The following CCDC7 variants were observed in gnomAD, a reference collection of about 807,000 sequenced individuals.
The protein encoded by CCDC7 is coiled-coil domain-containing protein 7.
A neutral mutation model predicts 196.9 loss-of-function variants in CCDC7; 183 were observed. The observed-to-expected ratio is 0.93, with a 90% CI of 0.82 to 1.05. The LOEUF (loss-of-function observed/expected upper bound fraction) is 1.05. Ranked by LOEUF, CCDC7 falls within the 50% of genes least tolerant of loss-of-function variation. The pLI is 0.00. For missense variants in CCDC7, 1,540 were observed against 1,482.2 expected, an observed-to-expected ratio of 1.04 and a Z score of -0.64; for synonymous variants, 525 against 484.6, an observed-to-expected ratio of 1.08 and a Z score of -1.10.
chr10:32,846,039 G>C, intron 36 of CCDC7, 80 bp downstream of exon 37: 1 of 1,000,908 alleles, frequency 1.0e-6, no homozygotes, highest in Non-Finnish European at 1.6e-6. Flanking sequence ...GACCTTTAAT[G>C]ACAACAGTAC....
chr10:32,492,434 C>T (rs2042294635), intron 9 of CCDC7, among the ~76,000 whole-genome samples: 1 of 152,048 alleles, frequency 6.6e-6, no homozygotes. Flanking sequence ...AAGATGGAAG[C>T]AACCCACATG....
At chr10:32,484,848 C>A (rs1311489046) in intron 8 of CCDC7, among the ~76,000 whole-genome samples, 1 of 152,038 alleles carries the variant, frequency 6.6e-6, no homozygotes, top group Non-Finnish European at 1.5e-5. Context: ...GGGATGAAGC[C>A]CACTTGATCG....
At position 32,825,660 on chromosome 10, in the gene CCDC7, G is replaced by T. The variant is rs2091006962; in HGVS notation, c.3268+1056G>T. Among the ~76,000 whole-genome samples, 3 of 152,066 alleles carry T rather than the reference G, an allele frequency of 2.0e-5. No individual in the cohort carries two copies. In the South Asian group the frequency reaches 6.2e-4, roughly 32 times the overall value. On this transcript the variant is annotated intron_variant, in intron 32 of 41. Coordinates refer to ENST00000639629, the Ensembl canonical transcript of CCDC7. ...AGGATGGAGTTCTTTTGTTGGTTTT[G>T]GGGTTTCTGGAGTTGGCTGCTTAAT...
intron 25 of CCDC7, among the ~76,000 whole-genome samples, chr10:32,716,638 G>C (rs1443968245): frequency 6.6e-6 from 1 of 152,204 alleles, no homozygotes; most frequent in Admixed American, 6.5e-5. Flanking sequence ...TTGGTGTGCT[G>C]TATTCAGGAG....
exon 2 of CCDC7, chr10:32,453,401 T>C: frequency 6.4e-7 from 1 of 1,554,672 alleles, no homozygotes; most frequent in Non-Finnish European, 8.7e-7. Context: ...AGAAGAACCA[T>C]TTGTAAAGCA....
intron 30 of CCDC7, among the ~76,000 whole-genome samples, chr10:32,809,209 A>G (rs949867631): frequency 6.6e-6 from 1 of 152,212 alleles, no homozygotes; most frequent in Non-Finnish European, 1.5e-5. Flanking sequence ...GAACACAATA[A>G]TTCTTCAGCA....
At chr10:32,635,070 C>T in exon 20 of CCDC7, 2 of 398,684 alleles carry the variant, frequency 5.0e-6, no homozygotes, top group Non-Finnish European at 8.9e-6. Context: ...CTCTTACAAC[C>T]CCACAATTGC....
chr10:32,868,823 G>A (rs2094312887), intron 41 of CCDC7, among the ~76,000 whole-genome samples: 1 of 150,080 alleles, frequency 6.7e-6, no homozygotes, highest in African/African-American at 2.5e-5. Context: ...GTGGTGTTTG[G>A]TTTTTTGTCC....
At chr10:32,769,771 G>C (rs1322325433) in intron 28 of CCDC7, among the ~76,000 whole-genome samples, 1 of 152,012 alleles carries the variant, frequency 6.6e-6, no homozygotes, top group Non-Finnish European at 1.5e-5. Context: ...TGAGAATGGT[G>C]GTTTCCAGCT....
chr10:32,642,122 G>C (rs1035670743), intron 20 of CCDC7, among the ~76,000 whole-genome samples: 4 of 152,216 alleles, frequency 2.6e-5, no homozygotes, highest in Non-Finnish European at 5.9e-5. Flanking sequence ...GAGGCAGTCT[G>C]TCCGTTCTCA....
At chr10:32,576,472 G>A (rs1179490453) in intron 16 of CCDC7, among the ~76,000 whole-genome samples, 1 of 151,618 alleles carries the variant, frequency 6.6e-6, no homozygotes, top group African/African-American at 2.4e-5. Flanking sequence ...GACAAGCCTT[G>A]TGGAGGTTGT....
At chr10:32,626,478 A>G (rs2064060259) in intron 18 of CCDC7, among the ~76,000 whole-genome samples, 1 of 151,910 alleles carries the variant, frequency 6.6e-6, no homozygotes, top group South Asian at 2.1e-4. Context: ...TGATGAATGT[A>G]TGGCTTGTAC....
chr10:32,622,440 G>A (rs960776539), intron 18 of CCDC7, among the ~76,000 whole-genome samples: 2 of 151,870 alleles, frequency 1.3e-5, no homozygotes, highest in African/African-American at 4.8e-5. Context: ...TTAGATAATA[G>A]ACTGAAGGGG....
chr10:32,700,682 C>A (rs1008477005), intron 24 of CCDC7, among the ~76,000 whole-genome samples: 1 of 152,168 alleles, frequency 6.6e-6, no homozygotes, highest in Non-Finnish European at 1.5e-5. Context: ...TCTTCCTATC[C>A]ATGAGCATGG....
intron 13 of CCDC7, among the ~76,000 whole-genome samples, chr10:32,548,502 A>T (rs2052893248): frequency 6.6e-6 from 1 of 152,230 alleles, no homozygotes; most frequent in Non-Finnish European, 1.5e-5. Flanking sequence ...GAGGAGAATG[A>T]AGAAGTTAAA....
At chr10:32,629,282 G>A (rs2064487615) in intron 18 of CCDC7, among the ~76,000 whole-genome samples, 2 of 151,934 alleles carry the variant, frequency 1.3e-5, no homozygotes, top group South Asian at 2.1e-4. Flanking sequence ...GTTTTTGACT[G>A]GAAGTTTATT....
At chr10:32,497,772 T>G (rs1191860360) in intron 9 of CCDC7, among the ~76,000 whole-genome samples, 1 of 152,210 alleles carries the variant, frequency 6.6e-6, no homozygotes, top group Non-Finnish European at 1.5e-5. Context: ...TTGTTATGAT[T>G]TCTGTTCTCT....
At chr10:32,692,889 A>G (rs960468469) in intron 23 of CCDC7, among the ~76,000 whole-genome samples, 5 of 152,120 alleles carry the variant, frequency 3.3e-5, no homozygotes, top group African/African-American at 1.2e-4. Flanking sequence ...GGAGTCCCAA[A>G]CAAGAAGCTG....
At chr10:32,488,540 G>T (rs7098823) in intron 8 of CCDC7, among the ~76,000 whole-genome samples, 52,407 of 152,002 alleles carry the variant, frequency 0.34, 11,461 homozygotes, top group Non-Finnish European at 0.5. Context: ...CGGTACCTCA[G>T]TTGGAAATGC....
Sources: allele counts gnomAD v4.1 joint callset (sites outside exome capture counted in the v4.1 genomes callset), GRCh38; gene constraint gnomAD v4.1.1; transcripts MANE v1.5; gene names NCBI Gene and HGNC (gene_info 2026-07-23, HGNC 2026-07-21).